The following SLC24A2 variants were observed in gnomAD, a reference collection of about 807,000 sequenced individuals.
SLC24A2 encodes the protein sodium/potassium/calcium exchanger 2.
Under a neutral mutation model 62.0 loss-of-function variants are expected in SLC24A2, and 36 were observed. The observed-to-expected ratio is 0.58, with a 90% CI of 0.44 to 0.77. The LOEUF is 0.77. Ranked by LOEUF, SLC24A2 falls within the 30% of genes least tolerant of loss-of-function variation. The probability of loss-of-function intolerance (pLI) is 0.00; values close to 1 mark genes in which losing one functional copy is unlikely to be tolerated. For synonymous variants in SLC24A2, 358 were observed against 294.0 expected, an observed-to-expected ratio of 1.22 and a Z score of -2.23; for missense variants, 846 against 817.9, an observed-to-expected ratio of 1.03 and a Z score of -0.42.
intron 7 of SLC24A2, among the ~76,000 whole-genome samples, chr9:19,565,723 G>A (rs1835622432): frequency 6.6e-6 from 1 of 152,068 alleles, no homozygotes; most frequent in Non-Finnish European, 1.5e-5. Flanking sequence ...TATACTACAA[G>A]GCTACAGTAA....
Position 19,509,885 on chromosome 9 carries a change from C to G in SLC24A2, c.*6268G>C, listed in dbSNP as rs907967591. 3 of 150,276 alleles carry G rather than the reference C, an allele frequency of 2.0e-5. No individual in the cohort carries two copies. Among genetic ancestry groups the G allele is most frequent in the Non-Finnish European group, 1.5e-5 (1 of 67,904 alleles). The allele number at this position is 150,276 out of a possible 1,614,324, so 9.3% of individuals were successfully genotyped here. On this transcript the variant is annotated 3_prime_UTR_variant, in exon 11 of 11. Transcript: ENST00000341998. The stretch of plus-strand genomic sequence containing the variant: ...ACAAATTCCCATCCTTTTGGTGAAC[C>G]CTGGCCCATGAGATCAATCAGTAGC...
chr9:19,687,417 T>C lies in SLC24A2; in HGVS notation c.931-65118A>G, dbSNP rs576483985. On this transcript the variant is annotated intron_variant, in intron 2 of 10. Coordinates refer to ENST00000341998, the MANE Select transcript of SLC24A2 (RefSeq NM_020344.4). ...AGCCATTATGAAACTCTGTAGGAAT[T>C]CGTGTGATAGACTCGAAGGTGAAAT... Among the ~76,000 whole-genome samples the C allele has an allele frequency of 2.0e-5, 3 of 152,228 alleles. No homozygotes were observed. In the South Asian group the frequency reaches 6.2e-4, roughly 32 times the overall value.
intron 2 of SLC24A2, among the ~76,000 whole-genome samples, chr9:19,670,003 C>A (rs568868952): frequency 1.7e-4 from 26 of 152,166 alleles, no homozygotes; most frequent in Non-Finnish European, 3.4e-4. Flanking sequence ...GATGGGTCTG[C>A]CTCAAGACAG....
In SLC24A2 at chr9:19,528,084, C is replaced by T. The variant is rs1474483195; in HGVS notation, c.1534G>A (p.Val512Ile). The part of the protein sequence containing the change: ...TFFGSITWIA[V>I]FSYLMVWWAH... ...CACCAGACCATCAAGTAAGAGAATA[C>T]TGCAATCCAGGTAATGGAGCCAAAG... Residue 512 changes from valine (V) to isoleucine (I), a missense_variant, in exon 9 of 11, where the codon GTA becomes ATA. By Grantham distance (29) the Val-to-Ile change is conservative. Coordinates refer to ENST00000341998, the MANE Select transcript of SLC24A2 (RefSeq NM_020344.4). 6.3e-7 allele frequency: 1 copy of T among 1,598,538 alleles called. No homozygotes were observed. Among genetic ancestry groups the T allele is most frequent in the Non-Finnish European group, 8.5e-7 (1 of 1,172,028 alleles).
the SLC24A2 span, among the ~76,000 whole-genome samples, chr9:20,207,724 G>T: frequency 1.3e-5 from 2 of 152,160 alleles, no homozygotes; most frequent in African/African-American, 4.8e-5. Flanking sequence ...GTCACCCAGG[G>T]CCATTCAACT....
intron 2 of SLC24A2, among the ~76,000 whole-genome samples, chr9:19,729,810 A>G (rs1444233726): frequency 6.6e-6 from 1 of 152,168 alleles, no homozygotes; most frequent in Non-Finnish European, 1.5e-5. Context: ...TATCTCAACT[A>G]TAGAATGCCT....
chr9:19,712,061 T>C (rs1427962572), intron 2 of SLC24A2, among the ~76,000 whole-genome samples: 1 of 151,834 alleles, frequency 6.6e-6, no homozygotes, highest in African/African-American at 2.4e-5. Flanking sequence ...AATACCAAAG[T>C]GGCTGCCCTT....
At chr9:19,906,617 T>C in the SLC24A2 span, among the ~76,000 whole-genome samples, 3 of 151,898 alleles carry the variant, frequency 2.0e-5, no homozygotes, top group East Asian at 5.8e-4. Context: ...AAGAATCAAA[T>C]AGACGCAATA....
At chr9:19,567,561 AAAAG>A (rs67010838) in intron 7 of SLC24A2, among the ~76,000 whole-genome samples, 95,341 of 133,450 alleles carry the variant, frequency 0.71, 34,789 homozygotes, top group East Asian at 0.95. Context: ...AAAAAAAAAA[AAAAG>A]GTAAGGAATA....
At chr9:19,700,439 T>G (rs1170617706) in intron 2 of SLC24A2, among the ~76,000 whole-genome samples, 1 of 152,226 alleles carries the variant, frequency 6.6e-6, no homozygotes, top group Non-Finnish European at 1.5e-5. Flanking sequence ...TTTACTTTGT[T>G]TTTTTGATAT....
chr9:19,779,439 A>G (rs986952302), intron 2 of SLC24A2, among the ~76,000 whole-genome samples: 11 of 152,256 alleles, frequency 7.2e-5, no homozygotes, highest in African/African-American at 2.7e-4. Flanking sequence ...GAATTGAGAG[A>G]CAGTGGAATA....
chr9:19,658,539 C>T (rs2118220498), intron 2 of SLC24A2, among the ~76,000 whole-genome samples: 1 of 152,272 alleles, frequency 6.6e-6, no homozygotes, highest in African/African-American at 2.4e-5. Flanking sequence ...TGCTATTATC[C>T]CCAGTTTACA....
chr9:20,100,174 C>T, the SLC24A2 span, among the ~76,000 whole-genome samples: 1 of 148,510 alleles, frequency 6.7e-6, no homozygotes, highest in Non-Finnish European at 1.5e-5. Flanking sequence ...ACTTGGCTAA[C>T]TTTTTGTGTG....
intron 2 of SLC24A2, among the ~76,000 whole-genome samples, chr9:19,708,168 GAA>G (rs985176371): frequency 2.0e-5 from 3 of 152,132 alleles, no homozygotes; most frequent in African/African-American, 7.2e-5. Context: ...GCTTCAAAGA[GAA>G]TGAAATACCT....
chr9:20,029,891 T>A, the SLC24A2 span, among the ~76,000 whole-genome samples: 2 of 151,970 alleles, frequency 1.3e-5, no homozygotes, highest in African/African-American at 4.8e-5. Context: ...AAACAAGCAG[T>A]TATATTATGG....
the SLC24A2 span, among the ~76,000 whole-genome samples, chr9:20,106,161 C>T: frequency 4.6e-5 from 7 of 152,312 alleles, no homozygotes; most frequent in East Asian, 1.9e-4. Flanking sequence ...GAAGTTGAAT[C>T]TCTGAATAGA....
chr9:19,694,680 T>A (rs893532471), intron 2 of SLC24A2, among the ~76,000 whole-genome samples: 14 of 152,160 alleles, frequency 9.2e-5, no homozygotes, highest in African/African-American at 3.4e-4. Flanking sequence ...AGTTCAGATA[T>A]GCACAAAGAT....
rs762780068 is a variant in SLC24A2 at position 19,622,250 on chromosome 9, C to G, written c.969+11G>C. 14 of 1,612,860 alleles carry G rather than the reference C, an allele frequency of 8.7e-6. No homozygotes were observed. The highest frequency in any genetic ancestry group is 1.6e-4 in the Middle Eastern group (1 of 6,080). ...ACACAAACAGGTACAGACAAAGCCACTGCTTCCTACCGGTAGAGTTGGTTC... is the reference window on the plus strand; with the variant it reads ...ACACAAACAGGTACAGACAAAGCCAGTGCTTCCTACCGGTAGAGTTGGTTC... On this transcript the variant is annotated intron_variant, in intron 3 of 10. Coordinates refer to ENST00000341998, the MANE Select transcript of SLC24A2 (RefSeq NM_020344.4).
chr9:19,648,177 A>T (rs1213321145), intron 2 of SLC24A2, among the ~76,000 whole-genome samples: 7 of 152,240 alleles, frequency 4.6e-5, no homozygotes, highest in Admixed American at 3.9e-4. Flanking sequence ...TATTATCTTC[A>T]TTAGCCACAT....
Sources: gnomAD v4.1 joint callset for allele counts (sites outside exome capture counted in the v4.1 genomes callset) on GRCh38, gnomAD v4.1.1 for gene constraint, MANE v1.5 for transcripts, NCBI Gene and HGNC (gene_info 2026-07-23, HGNC 2026-07-21) for gene names.